The following PRKAG2 variants were observed in gnomAD, a reference collection of about 807,000 sequenced individuals.
PRKAG2 encodes the protein protein kinase AMP-activated non-catalytic subunit gamma 2, also known as 5'-AMP-activated protein kinase subunit gamma-2.
Under a neutral mutation model 69.6 loss-of-function variants are expected in PRKAG2, and 26 were observed. The ratio of observed to expected loss-of-function variants is 0.37; its 90% CI spans 0.27 to 0.52. The LOEUF (loss-of-function observed/expected upper bound fraction) is 0.52. Among genes scored for constraint, PRKAG2 ranks in the 20% least tolerant of loss-of-function variants. PRKAG2 has a pLI of 0.90. For missense variants in PRKAG2, 557 were observed against 740.0 expected (o/e 0.75, Z 2.87); for synonymous variants, 293 against 285.0 (o/e 1.03, Z -0.28).
intron 6 of PRKAG2, among the ~76,000 whole-genome samples, chr7:151,593,042 T>C (rs1053376470): frequency 5.3e-5 from 8 of 152,224 alleles, no homozygotes; most frequent in Non-Finnish European, 1.0e-4. Flanking sequence ...ACGGAAGTGA[T>C]ATTTACTGGA....
At chr7:151,776,699 G>C (rs868437016) in intron 3 of PRKAG2, among the ~76,000 whole-genome samples, 1 of 152,246 alleles carries the variant, frequency 6.6e-6, no homozygotes, top group Non-Finnish European at 1.5e-5. Flanking sequence ...CTCAGGCCTG[G>C]AGGAAGGCGC....
intron 3 of PRKAG2, among the ~76,000 whole-genome samples, chr7:151,677,411 C>T (rs1310027877): frequency 5.3e-5 from 8 of 152,152 alleles, no homozygotes; most frequent in Non-Finnish European, 8.8e-5. Context: ...AAGCTGCTTT[C>T]GAACTCCTGA....
intron 3 of PRKAG2, among the ~76,000 whole-genome samples, chr7:151,766,814 C>T (rs962366328): frequency 1.2e-4 from 19 of 152,212 alleles, no homozygotes; most frequent in South Asian, 6.2e-4. Context: ...CAACTCTGTC[C>T]GTACCTACGG....
In PRKAG2 at chr7:151,780,075, T is replaced by C. The variant is rs1463778059; in HGVS notation, c.466+1077A>G. Among the ~76,000 whole-genome samples the C allele has an allele frequency of 1.3e-5, 2 of 152,214 alleles. No homozygotes were observed. Among genetic ancestry groups the C allele is most frequent in the East Asian group, 1.9e-4 (1 of 5,194 alleles). ...GGCGGGAGCACCTTCATTTGTTTTATGTAGAAAGACGAAGTGCAAAATCTG... is the reference window on the plus strand; with the variant it reads ...GGCGGGAGCACCTTCATTTGTTTTACGTAGAAAGACGAAGTGCAAAATCTG... On this transcript the variant is annotated intron_variant, in intron 3 of 15. Transcript: ENST00000287878. This position sits in a 1 kb window ranked among gnomAD's most constrained non-coding sequence, Gnocchi z 4.2.
At chr7:151,815,676 C>T (rs916262689) in intron 1 of PRKAG2, among the ~76,000 whole-genome samples, 1 of 152,224 alleles carries the variant, frequency 6.6e-6, no homozygotes, top group East Asian at 1.9e-4. Flanking sequence ...TTCCTTCCTT[C>T]GTGACACTCA....
At chr7:151,667,647 G>C (rs1472075084) in intron 4 of PRKAG2, among the ~76,000 whole-genome samples, 1 of 152,226 alleles carries the variant, frequency 6.6e-6, no homozygotes, top group East Asian at 1.9e-4. Context: ...CCGTGTGCCT[G>C]TTCTGAGCCT....
chr7:151,855,769 C>A (rs1586731312), intron 1 of PRKAG2, among the ~76,000 whole-genome samples: 1 of 152,158 alleles, frequency 6.6e-6, no homozygotes, highest in East Asian at 1.9e-4. Context: ...GCGGCAGGAA[C>A]CACAGGGATG....
At chr7:151,658,234 T>C (rs1268931892) in intron 4 of PRKAG2, among the ~76,000 whole-genome samples, 1 of 151,102 alleles carries the variant, frequency 6.6e-6, no homozygotes, top group Non-Finnish European at 1.5e-5. Flanking sequence ...ATGCATGTAA[T>C]CCCAGCACTT....
At chr7:151,692,934 A>G (rs1355692182) in intron 3 of PRKAG2, among the ~76,000 whole-genome samples, 1 of 152,048 alleles carries the variant, frequency 6.6e-6, no homozygotes, top group Non-Finnish European at 1.5e-5. Flanking sequence ...GGGCCCTGTC[A>G]CCCAGACAAC....
intron 1 of PRKAG2, among the ~76,000 whole-genome samples, chr7:151,869,274 A>G (rs1372033366): frequency 6.6e-6 from 1 of 152,222 alleles, no homozygotes; most frequent in Non-Finnish European, 1.5e-5. Flanking sequence ...AACTCTTTGC[A>G]TTCATCAGTA....
At chr7:151,689,802 G>A (rs1057490921) in intron 3 of PRKAG2, among the ~76,000 whole-genome samples, 1 of 152,170 alleles carries the variant, frequency 6.6e-6, no homozygotes, top group African/African-American at 2.4e-5. Context: ...CCAGTGAGAC[G>A]GGTTGGGGAG....
intron 5 of PRKAG2, among the ~76,000 whole-genome samples, chr7:151,596,659 G>T (rs898703910): frequency 6.6e-6 from 1 of 152,184 alleles, no homozygotes. Context: ...TGAGGCACGA[G>T]AATTGCTTGA....
At chr7:151,858,190 TGA>T in intron 1 of PRKAG2, among the ~76,000 whole-genome samples, 1 of 152,296 alleles carries the variant, frequency 6.6e-6, no homozygotes, top group East Asian at 1.9e-4. Flanking sequence ...AGGCCCTAGC[TGA>T]GACTGTGGGG....
In PRKAG2 at chr7:151,814,879, A is replaced by T; in HGVS notation, c.115-28338T>A. 1 of 1,231,726 alleles carries T rather than the reference A, an allele frequency of 8.1e-7. No homozygotes were observed. The highest frequency in any genetic ancestry group is 4.2e-5 in the Admixed American group (1 of 23,730). 76.3% of individuals were successfully genotyped at this position (1,231,726 alleles called of 1,614,324 possible). On this transcript the variant is annotated intron_variant, in intron 1 of 15. Coordinates refer to ENST00000287878, the MANE Select transcript of PRKAG2 (RefSeq NM_016203.4). This position sits in a 1 kb window ranked among gnomAD's most constrained non-coding sequence, Gnocchi z 4.8. The stretch of plus-strand genomic sequence containing the variant: ...GCTGCTGGGGAGGAAACTCCTTACC[A>T]CACAGCAAGCCAGCAGGAGGGAGGG...
At chr7:151,604,322 T>C (rs1411863187) in intron 5 of PRKAG2, among the ~76,000 whole-genome samples, 1 of 152,154 alleles carries the variant, frequency 6.6e-6, no homozygotes, top group African/African-American at 2.4e-5. Context: ...GCAGCGGTTA[T>C]AGTTAAGCAG....
intron 3 of PRKAG2, among the ~76,000 whole-genome samples, chr7:151,697,533 T>C (rs1161692227): frequency 6.6e-6 from 1 of 152,118 alleles, no homozygotes; most frequent in Non-Finnish European, 1.5e-5. Flanking sequence ...CCGGAGCCCC[T>C]GGTCCTTGGC....
chr7:151,736,468 G>A (rs1799832725), intron 3 of PRKAG2: 4 of 882,916 alleles, frequency 4.5e-6, no homozygotes, highest in South Asian at 5.2e-5. Context: ...TGCAAGTCAT[G>A]TGCAGCCGTG....
chr7:151,732,710 G>C, intron 3 of PRKAG2, among the ~76,000 whole-genome samples: 1 of 151,890 alleles, frequency 6.6e-6, no homozygotes, highest in Non-Finnish European at 1.5e-5. Context: ...GTTTTTCTTT[G>C]AGACGGAGTC....
intron 11 of PRKAG2, 99 bp from the exon 12 acceptor site, chr7:151,565,984 A>G (rs1204172238): frequency 7.1e-7 from 1 of 1,415,370 alleles, no homozygotes. Context: ...AACAAATTAA[A>G]GTTAGTTTTT....
Sources: gnomAD v4.1 joint callset for allele counts (sites outside exome capture counted in the v4.1 genomes callset) on GRCh38, gnomAD v4.1.1 for gene constraint, Gnocchi (gnomAD v3.1) non-coding constraint, MANE v1.5 for transcripts, NCBI Gene and HGNC (gene_info 2026-07-23, HGNC 2026-07-21) for gene names.